The following SLC1A4 variants were observed in gnomAD, a reference collection of about 807,000 sequenced individuals.
The protein encoded by SLC1A4 is solute carrier family 1 member 4, also known as neutral amino acid transporter A.
SLC1A4 carries 19 observed loss-of-function variants against 37.7 expected under a neutral mutation model. That is an observed-to-expected ratio of 0.50 (90% CI 0.35 to 0.74). The LOEUF (loss-of-function observed/expected upper bound fraction) is 0.74, where lower values mean the gene tolerates loss of function less well. SLC1A4 is among the 30% of genes least tolerant of loss of function. The pLI is 0.01. For synonymous variants in SLC1A4, 299 were observed against 309.8 expected (o/e 0.97, Z 0.37); for missense variants, 570 against 712.9 (o/e 0.80, Z 2.28).
At chr2:65,009,404 GAAAGA>G (rs946052492) in intron 3 of SLC1A4, among the ~76,000 whole-genome samples, 6 of 150,706 alleles carry the variant, frequency 4.0e-5, no homozygotes, top group Non-Finnish European at 3.0e-5. Flanking sequence ...AAGAAAGAAA[GAAAGA>G]AAAGAAAAAG....
At chr2:64,991,421 C>CTTTT (rs3050297) in intron 1 of SLC1A4, among the ~76,000 whole-genome samples, 29 of 117,666 alleles carry the variant, frequency 2.5e-4, no homozygotes, top group African/African-American at 3.3e-4. Flanking sequence ...GGGATCACAG[C>CTTTT]TTTTTTTTTT....
chr2:65,020,389 C>G (rs575947032), intron 7 of SLC1A4, among the ~76,000 whole-genome samples: 4 of 152,198 alleles, frequency 2.6e-5, no homozygotes, highest in Non-Finnish European at 5.9e-5. Flanking sequence ...ACCTCAGCCT[C>G]CTGAGTAGCT....
intron 3 of SLC1A4, among the ~76,000 whole-genome samples, chr2:65,009,984 T>G (rs1572961340): frequency 1.3e-5 from 2 of 151,314 alleles, no homozygotes; most frequent in South Asian, 4.2e-4. Flanking sequence ...CAGGCTGGAG[T>G]GCAATGGCAT....
At position 65,010,089 on chromosome 2, in the gene SLC1A4, G is replaced by A. The variant is rs895360162; in HGVS notation, c.634-508G>A. 2.0e-5 allele frequency among the ~76,000 whole-genome samples: 3 copies of A among 152,064 alleles called. No homozygotes were observed. The East Asian group carries it at 5.8e-4, about 29-fold the overall frequency. On this transcript the variant is annotated intron_variant, in intron 3 of 7. Transcript: ENST00000234256. Reference sequence around the variant, plus strand: ...TGGGATTACAGGCACCTGCCACCATGCCCAGCTAATTTTTGTGTTTTTAGT... The same window carrying A: ...TGGGATTACAGGCACCTGCCACCATACCCAGCTAATTTTTGTGTTTTTAGT...
At chr2:65,008,403 T>C (rs1673770035) in intron 3 of SLC1A4, among the ~76,000 whole-genome samples, 1 of 152,180 alleles carries the variant, frequency 6.6e-6, no homozygotes. Context: ...TTTGAGAGAC[T>C]GAATTGGGAG....
chr2:65,018,574 C>T lies in SLC1A4; in HGVS notation c.1259C>T (p.Ala420Val), dbSNP rs1674276099. The change falls in exon 7 of 8, where the codon GCA (alanine) becomes GTA (valine). Residue 420 changes from alanine to valine, a missense_variant. Transcript: ENST00000234256. The surrounding 1 kb of genome is among the most constrained non-coding windows in gnomAD (Gnocchi z 4.3). ...LVTATASSVGAAGVPAGGVLT... is the reference protein window; with the variant it reads ...LVTATASSVGVAGVPAGGVLT... ...ACTGCCACAGCGTCCAGTGTTGGAG[C>T]AGCAGGCGTGCCAGCTGGAGGGGTC... 1.2e-6 allele frequency: 2 copies of T among 1,614,110 alleles called. No homozygotes were observed. The highest frequency in any genetic ancestry group is 1.1e-5 in the South Asian group (1 of 91,092).
rs966527380 is a variant in SLC1A4, at chr2:65,023,465, G to A, written c.*2319G>A. On this transcript the variant is annotated 3_prime_UTR_variant, in exon 8 of 8. Transcript: ENST00000234256. ...GTATCTTGATTTTCCCATTTCTAAA[G>A]ATGAATTTCACAAAGCCATAAAGCG... is the stretch of plus-strand genomic sequence containing the variant. The A allele has an allele frequency of 3.3e-5, 5 of 152,172 alleles. No individual in the cohort carries two copies. Among genetic ancestry groups the A allele is most frequent in the African/African-American group, 1.2e-4 (5 of 41,428 alleles). The allele number at this position is 152,172 out of a possible 1,614,324, so 9.4% of individuals were successfully genotyped here.
intron 4 of SLC1A4, among the ~76,000 whole-genome samples, chr2:65,016,208 G>A (rs762156486): frequency 3.3e-5 from 5 of 152,174 alleles, no homozygotes; most frequent in African/African-American, 4.8e-5. Flanking sequence ...AGACGTCTGG[G>A]TTCTGGTCCT....
chr2:65,004,615 C>T (rs1304817283), intron 3 of SLC1A4, among the ~76,000 whole-genome samples: 1 of 151,790 alleles, frequency 6.6e-6, no homozygotes, highest in Non-Finnish European at 1.5e-5. Context: ...ACCTTTTCTG[C>T]CATCTAGAAA....
At chr2:65,002,280 A>AAAATAAAT (rs139658708) in intron 2 of SLC1A4, among the ~76,000 whole-genome samples, 155 of 144,374 alleles carry the variant, frequency 1.1e-3, no homozygotes, top group East Asian at 3.5e-3. Context: ...ACTCTATCTC[A>AAAATAAAT]AAATAAATAA....
chr2:65,006,794 G>T (rs1673693935), intron 3 of SLC1A4, among the ~76,000 whole-genome samples: 1 of 152,152 alleles, frequency 6.6e-6, no homozygotes, highest in African/African-American at 2.4e-5. Flanking sequence ...TTCTATACTA[G>T]CCAAGTATGG....
At chr2:65,015,683 G>C (rs1674097664) in intron 4 of SLC1A4, among the ~76,000 whole-genome samples, 1 of 152,226 alleles carries the variant, frequency 6.6e-6, no homozygotes, top group South Asian at 2.1e-4. Flanking sequence ...GCTTGGGAGA[G>C]AGATGAGAGG....
upstream of SLC1A4, chr2:64,988,552 C>G (rs1034785843): frequency 1.3e-5 from 2 of 152,368 alleles, no homozygotes; most frequent in Admixed American, 6.5e-5. Flanking sequence ...CAGGAGCGCC[C>G]CGGTGCGCGC....
chr2:65,019,241 CT>C (rs1674312196), intron 7 of SLC1A4, among the ~76,000 whole-genome samples: 1 of 152,142 alleles, frequency 6.6e-6, no homozygotes, highest in Non-Finnish European at 1.5e-5. Flanking sequence ...CACATGATAC[CT>C]TTTGCAGGCA....
chr2:65,014,152 T>G (rs1674030069), intron 4 of SLC1A4, among the ~76,000 whole-genome samples: 1 of 151,958 alleles, frequency 6.6e-6, no homozygotes. Context: ...CTTAACCACA[T>G]CAAAATATAA....
rs1386306814 is a variant in SLC1A4 at position 65,023,818 on chromosome 2, T to C, written c.*2672T>C. On this transcript the variant is annotated 3_prime_UTR_variant, in exon 8 of 8. Transcript: ENST00000234256. ...TGTTTTGTACATGTGACAATTGCCTTAAAACCTAGCACAGTCCTCAGAAAT... is the reference window on the plus strand; with the variant it reads ...TGTTTTGTACATGTGACAATTGCCTCAAAACCTAGCACAGTCCTCAGAAAT... 6.5e-6 allele frequency: 1 copy of C among 152,688 alleles called. No individual in the cohort carries two copies. The highest frequency in any genetic ancestry group is 1.5e-5 in the Non-Finnish European group (1 of 68,050). 9.5% of individuals were successfully genotyped at this position (152,688 alleles called of 1,614,324 possible).
intron 4 of SLC1A4, 88 bp downstream of exon 4, chr2:65,010,851 G>A: frequency 7.5e-7 from 1 of 1,340,686 alleles, no homozygotes; most frequent in Non-Finnish European, 1.0e-6. Context: ...TACCTGTGTG[G>A]GGCCACCTGG....
intron 4 of SLC1A4, among the ~76,000 whole-genome samples, chr2:65,013,595 T>C (rs372300261): frequency 1.3e-5 from 2 of 152,296 alleles, no homozygotes; most frequent in East Asian, 3.9e-4. Context: ...TAAGCAGGTA[T>C]TCAGTAAGGC....
At position 65,018,186 on chromosome 2, in the gene SLC1A4, A is replaced by G. The variant is rs759967180; in HGVS notation, c.1150A>G (p.Ile384Val). 4 of 1,614,240 alleles carry G rather than the reference A, an allele frequency of 2.5e-6. No individual in the cohort carries two copies. The highest frequency in any genetic ancestry group is 3.4e-6 in the Non-Finnish European group (4 of 1,180,040). The change falls in exon 6 of 8, where the codon ATC (isoleucine) becomes GTC (valine). Residue 384 changes from isoleucine to valine, a missense_variant. Coordinates refer to ENST00000234256, the MANE Select transcript of SLC1A4 (RefSeq NM_003038.5). The surrounding 1 kb of genome is among the most constrained non-coding windows in gnomAD (Gnocchi z 4.3). Reference sequence around the variant, plus strand: ...CACCGTGAACATGGACGGAGCAGCCATCTTCCAGTGTGTGGCCGCGGTGTT... The same window carrying G: ...CACCGTGAACATGGACGGAGCAGCCGTCTTCCAGTGTGTGGCCGCGGTGTT... Reference protein sequence around the residue: ...GATVNMDGAAIFQCVAAVFIA... With the variant: ...GATVNMDGAAVFQCVAAVFIA...
Sources: allele counts gnomAD v4.1 joint callset (sites outside exome capture counted in the v4.1 genomes callset), GRCh38; gene constraint gnomAD v4.1.1; non-coding constraint Gnocchi (gnomAD v3.1); transcripts MANE v1.5; gene names NCBI Gene and HGNC (gene_info 2026-07-23, HGNC 2026-07-21).